LHX2: variants seen among roughly 807,000 people sequenced by gnomAD.
The protein encoded by LHX2 is LIM/homeobox protein Lhx2.
A neutral mutation model predicts 33.0 loss-of-function variants in LHX2; 6 were observed. The ratio of observed to expected loss-of-function variants is 0.18; its 90% confidence interval spans 0.10 to 0.36. The LOEUF (loss-of-function observed/expected upper bound fraction) is 0.36. Among genes scored for constraint, LHX2 ranks in the 10% least tolerant of loss-of-function variants. The probability of loss-of-function intolerance (pLI) is 1.00; values close to 1 mark genes in which losing one functional copy is unlikely to be tolerated. For synonymous variants in LHX2, 292 were observed against 253.1 expected, an observed-to-expected ratio of 1.15 and a Z score of -1.46; for missense variants, 442 against 586.2, an observed-to-expected ratio of 0.75 and a Z score of 2.54.
Position 124,015,489 on chromosome 9 carries a change from C to G in LHX2, c.691C>G (p.Pro231Ala). Residue 231 changes from proline to alanine, a missense_variant, in exon 3 of 5, where the codon CCG becomes GCG. By Grantham distance (27) the Pro-to-Ala change is conservative (BLOSUM62 -1). Transcript: ENST00000373615. The surrounding 1 kb of genome is among the most constrained non-coding windows in gnomAD (Gnocchi z 7.9). The part of the protein sequence containing the change: ...QKGRPRKRKS[P>A]GPGADLAAYN... ...GGGGCGGCCGAGGAAACGTAAGAGC[C>G]CGGGCCCCGGTGCGGATCTGGCGGC... 6.8e-7 allele frequency: 1 copy of G among 1,481,038 alleles called. No homozygotes were observed. Among genetic ancestry groups the G allele is most frequent in the African/African-American group, 1.4e-5 (1 of 70,660 alleles). The allele number at this position is 1,481,038 out of a possible 1,614,324, so 91.7% of individuals were successfully genotyped here. A position where few individuals can be genotyped will look rare whatever the true frequency, so the allele number is the denominator to read the frequency against.
At chr9:124,013,236 G>A (rs958655721) in intron 1 of LHX2, among the ~76,000 whole-genome samples, 6 of 152,258 alleles carry the variant, frequency 3.9e-5, no homozygotes, top group South Asian at 2.1e-4. Flanking sequence ...TCTCTGCTCC[G>A]GGAGCAGGAG....
At chr9:124,022,911 C>T (rs797020634) in intron 4 of LHX2, among the ~76,000 whole-genome samples, 2 of 152,276 alleles carry the variant, frequency 1.3e-5, no homozygotes, top group African/African-American at 2.4e-5. Flanking sequence ...GAGGGAGCGT[C>T]GGCCAATGGG....
At position 124,015,982 on chromosome 9, in the gene LHX2, G is replaced by T. The variant is rs1859183108; in HGVS notation, c.727+457G>T. On this transcript the variant is annotated intron_variant, in intron 3 of 4. Coordinates refer to ENST00000373615, the MANE Select transcript of LHX2 (RefSeq NM_004789.4). This position sits in a 1 kb window ranked among gnomAD's most constrained non-coding sequence, Gnocchi z 7.9. ...GGCCCGGGGCGCCGAGCTCGGCCTG[G>T]AGTGCGGCCTGACCTCGTGAAATGT... is the stretch of plus-strand genomic sequence containing the variant. Among the ~76,000 whole-genome samples the T allele has an allele frequency of 6.6e-6, 1 of 152,266 alleles. No individual in the cohort carries two copies. Among genetic ancestry groups the T allele is most frequent in the Non-Finnish European group, 1.5e-5 (1 of 68,044 alleles).
rs1234964912 is a variant in LHX2, at chr9:124,014,285, G to GCGCCC, written c.323+123_323+124insGCCCC. On this transcript the variant is annotated intron_variant, in intron 2 of 4. Coordinates refer to ENST00000373615, the MANE Select transcript of LHX2 (RefSeq NM_004789.4). This position sits in a 1 kb window ranked among gnomAD's most constrained non-coding sequence, Gnocchi z 4.8. ...AGGGTTCACTACTCAGGACTCCCCC[G>GCGCCC]CTCCCCCCCCAAGTTCTCCAAGCCA... 1 of 623,328 alleles carries GCGCCC rather than the reference G, an allele frequency of 1.6e-6. No homozygotes were observed. The highest frequency in any genetic ancestry group is 2.4e-5 in the Admixed American group (1 of 41,794). The allele number at this position is 623,328 out of a possible 1,614,324, so 38.6% of individuals were successfully genotyped here.
rs140916148 is a variant in LHX2, at chr9:124,016,397, G to C, written c.727+872G>C. Among the ~76,000 whole-genome samples the C allele has an allele frequency of 2.8e-4, 43 of 152,334 alleles. No individual in the cohort carries two copies. The East Asian group carries it at 7.9e-3, about 28-fold the overall frequency. ...AGCCGTCAACATCTGCCCGAAGTCT[G>C]CAAGGCCCGGAAAGGTTTATGACTC... On this transcript the variant is annotated intron_variant, in intron 3 of 4. Transcript: ENST00000373615. The surrounding 1 kb of genome is among the most constrained non-coding windows in gnomAD (Gnocchi z 4.4).
chr9:124,016,102 C>CT lies in LHX2; in HGVS notation c.727+577_727+578insT, dbSNP rs1224294552. Among the ~76,000 whole-genome samples the CT allele has an allele frequency of 6.6e-6, 1 of 152,228 alleles. No homozygotes were observed. The highest frequency in any genetic ancestry group is 1.9e-4 in the East Asian group (1 of 5,194). ...GCTCGGCCCGATCCTCCTTTAAAGACAGGTCTCAGTTTTCCCGGACTTTTT... is the reference window on the plus strand; with the variant it reads ...GCTCGGCCCGATCCTCCTTTAAAGACTAGGTCTCAGTTTTCCCGGACTTTTT... On this transcript the variant is annotated intron_variant, in intron 3 of 4. Coordinates refer to ENST00000373615, the MANE Select transcript of LHX2 (RefSeq NM_004789.4). The surrounding 1 kb of genome is among the most constrained non-coding windows in gnomAD (Gnocchi z 4.4).
In LHX2 at chr9:124,015,379, C is replaced by A; in HGVS notation, c.581C>A (p.Ala194Glu). 1.2e-6 allele frequency: 2 copies of A among 1,609,930 alleles called. No homozygotes were observed. Among genetic ancestry groups the A allele is most frequent in the South Asian group, 2.2e-5 (2 of 90,928 alleles). Residue 194 changes from alanine to glutamate, a missense_variant, in exon 3 of 5, where the codon GCG becomes GAG. Transcript: ENST00000373615. This position sits in a 1 kb window ranked among gnomAD's most constrained non-coding sequence, Gnocchi z 7.9. ...GTGGCAGCGGCGGCCGCTGCAGCCG[C>A]GGCGGCCAAGAGCGCGGGGCTGGGC... Reference protein sequence around the residue: ...ADVAAAAAAAAAAKSAGLGAA... With the variant: ...ADVAAAAAAAEAAKSAGLGAA...
At chr9:124,021,400 C>G in intron 4 of LHX2, 96 bp downstream of exon 4, 1 of 986,034 alleles carries the variant, frequency 1.0e-6, no homozygotes, top group South Asian at 1.5e-5. Context: ...ACCTTCCACC[C>G]TGTGTCTGCT....
intron 4 of LHX2, among the ~76,000 whole-genome samples, chr9:124,027,622 T>C (rs1828646856): frequency 6.6e-6 from 1 of 152,082 alleles, no homozygotes; most frequent in Non-Finnish European, 1.5e-5. Flanking sequence ...GTGGAGACCA[T>C]CCTGGCTAAT....
chr9:124,018,441 G>A (rs546717668), intron 3 of LHX2, among the ~76,000 whole-genome samples: 1 of 152,026 alleles, frequency 6.6e-6, no homozygotes, highest in Admixed American at 6.5e-5. Context: ...TGCCTCCCCC[G>A]CCGCCGCCCC....
intron 4 of LHX2, among the ~76,000 whole-genome samples, chr9:124,030,036 A>C (rs142358411): frequency 6.6e-6 from 1 of 152,334 alleles, no homozygotes; most frequent in East Asian, 1.9e-4. Flanking sequence ...GCCAGCCCCC[A>C]GAAGGGGTGA....
chr9:124,012,440 C>T lies in LHX2; in HGVS notation c.92C>T (p.Ser31Phe), dbSNP rs1486620338. The T allele has an allele frequency of 1.3e-6, 2 of 1,526,892 alleles. No homozygotes were observed. Among genetic ancestry groups the T allele is most frequent in the East Asian group, 5.0e-5 (2 of 40,042 alleles). The allele number at this position is 1,526,892 out of a possible 1,614,324, so 94.6% of individuals were successfully genotyped here. ...AAGAGCGAGGCTCCCGCCATCAGCT[C>T]CGCCATCGACCGCGGCGACACCGAG... The part of the protein sequence containing the change: ...RAKSEAPAIS[S>F]AIDRGDTETT... Residue 31 changes from serine to phenylalanine, a missense_variant, in exon 1 of 5, where the codon TCC becomes TTC. Physicochemically the swap from Ser to Phe is radical, Grantham distance 155. Around this residue, in one of 5 missense-constraint regions of LHX2, gnomAD observed 97 missense variants for 81.5 expected, o/e 1.19. Coordinates refer to ENST00000373615, the MANE Select transcript of LHX2 (RefSeq NM_004789.4). This position sits in a 1 kb window ranked among gnomAD's most constrained non-coding sequence, Gnocchi z 4.3.
chr9:124,015,248 G>A lies in LHX2; in HGVS notation c.450G>A (p.Leu150=), dbSNP rs936429655. ...CFTCTTCNKM[L]TTGDHFGMKD... ...CGTGCACCACGTGTAACAAGATGCT[G>A]ACCACGGGCGACCACTTCGGCATGA... The change falls in exon 3 of 5, where the codon CTG becomes CTA. Residue 150 remains leucine, a synonymous_variant. Coordinates refer to ENST00000373615, the MANE Select transcript of LHX2 (RefSeq NM_004789.4). This position sits in a 1 kb window ranked among gnomAD's most constrained non-coding sequence, Gnocchi z 7.9. 4.3e-6 allele frequency: 7 copies of A among 1,614,066 alleles called. No homozygotes were observed. The highest frequency in any genetic ancestry group is 5.1e-6 in the Non-Finnish European group (6 of 1,180,052).
rs1337458782 is a variant in LHX2, at chr9:124,012,610, G to A, written c.120+142G>A. On this transcript the variant is annotated intron_variant, in intron 1 of 4. Transcript: ENST00000373615. The surrounding 1 kb of genome is among the most constrained non-coding windows in gnomAD (Gnocchi z 4.3). ...GGATCCTCGGTCAGAATGCAAGGCC[G>A]GTGGCTCCCGGTTCGGGGGAAACCC... 27 of 1,054,422 alleles carry A rather than the reference G, an allele frequency of 2.6e-5. No homozygotes were observed. The highest frequency in any genetic ancestry group is 2.5e-6 in the Non-Finnish European group (2 of 795,346). The allele number at this position is 1,054,422 out of a possible 1,614,324, so 65.3% of individuals were successfully genotyped here.
intron 4 of LHX2, chr9:124,021,888 G>A (rs1260641518): frequency 6.5e-6 from 1 of 153,484 alleles, no homozygotes; most frequent in East Asian, 1.9e-4. Context: ...GGGGATGTGT[G>A]TGGGCAGATT....
chr9:124,017,230 CTCTCTA>C (rs1365003561), intron 3 of LHX2, among the ~76,000 whole-genome samples: 1 of 152,130 alleles, frequency 6.6e-6, no homozygotes, highest in East Asian at 1.9e-4. Flanking sequence ...TCCGTCCTTT[CTCTCTA>C]TCTCTGTCTC....
intron 4 of LHX2, among the ~76,000 whole-genome samples, chr9:124,029,814 C>A (rs1588353017): frequency 1.3e-5 from 2 of 152,234 alleles, no homozygotes; most frequent in East Asian, 3.8e-4. Flanking sequence ...GGCAGCGGCA[C>A]CAAGGCTCCG....
chr9:124,013,748 C>A (rs1192179858), intron 1 of LHX2, among the ~76,000 whole-genome samples: 1 of 152,242 alleles, frequency 6.6e-6, no homozygotes, highest in East Asian at 1.9e-4. Flanking sequence ...CCGTGGCTGG[C>A]GAGGGCTGCG....
intron 3 of LHX2, among the ~76,000 whole-genome samples, chr9:124,018,313 C>A (rs1173698501): frequency 6.6e-6 from 1 of 151,310 alleles, no homozygotes; most frequent in Non-Finnish European, 1.5e-5. Flanking sequence ...GGTCCTCCCC[C>A]TCCCCTCGGC....
Sources: allele counts gnomAD v4.1 joint callset (sites outside exome capture counted in the v4.1 genomes callset), GRCh38; gene constraint gnomAD v4.1.1; regional missense constraint gnomAD v4.1.1; non-coding constraint Gnocchi (gnomAD v3.1); transcripts MANE v1.5; gene names NCBI Gene and HGNC (gene_info 2026-07-23, HGNC 2026-07-21).